Variants in GRTP1 observed in about 807,000 individuals in gnomAD.
The protein encoded by GRTP1 is growth hormone regulated TBC protein 1, also known as growth hormone-regulated TBC protein 1.
A neutral mutation model predicts 38.1 loss-of-function variants in GRTP1; 56 were observed. The ratio of observed to expected loss-of-function variants is 1.47; its 90% CI spans 1.19 to 1.84. The LOEUF (loss-of-function observed/expected upper bound fraction) is 1.84, where lower values mean the gene tolerates loss of function less well. GRTP1 is among the 40% of genes most tolerant of loss of function. The pLI is 0.00. For synonymous variants in GRTP1, 217 were observed against 189.5 expected (o/e 1.14, Z -1.19); for missense variants, 506 against 453.9 (o/e 1.11, Z -1.04).
intron 5 of GRTP1, among the ~76,000 whole-genome samples, chr13:113,335,705 GGAAC>G (rs1288770863): frequency 6.6e-6 from 1 of 152,014 alleles, no homozygotes; most frequent in Non-Finnish European, 1.5e-5. Context: ...CATGTGGGTG[GGAAC>G]ATGTGATATC....
intron 5 of GRTP1, among the ~76,000 whole-genome samples, chr13:113,344,239 C>T (rs1049944001): frequency 6.6e-6 from 1 of 152,148 alleles, no homozygotes; most frequent in Non-Finnish European, 1.5e-5. Context: ...CCTCAATAGG[C>T]ACAGAAGTTA....
At position 113,343,685 on chromosome 13, in the gene GRTP1, T is replaced by C. The variant is rs2043057724; in HGVS notation, c.562+1178A>G. Among the ~76,000 whole-genome samples the C allele has an allele frequency of 6.6e-6, 1 of 152,216 alleles. No individual in the cohort carries two copies. The highest frequency in any genetic ancestry group is 2.4e-5 in the African/African-American group (1 of 41,464). On this transcript the variant is annotated intron_variant, in intron 5 of 7. Transcript: ENST00000375431. This position sits in a 1 kb window ranked among gnomAD's most constrained non-coding sequence, Gnocchi z 4.8. ...CTGTGTCCGTGTGGTGTGGCTGTTCTGAGGACAAGCGCAGCTCAGCAGGAA... is the reference window on the plus strand; with the variant it reads ...CTGTGTCCGTGTGGTGTGGCTGTTCCGAGGACAAGCGCAGCTCAGCAGGAA...
intron 3 of GRTP1, among the ~76,000 whole-genome samples, chr13:113,352,362 A>ATATATATATATATTT (rs71101572): frequency 2.5e-5 from 2 of 80,850 alleles, no homozygotes; most frequent in African/African-American, 1.1e-4. Context: ...TATATATTTT[A>ATATATATATATATTT]TATATATATA....
rs1462890161 is a variant in GRTP1 at position 113,346,287 on chromosome 13, C to T, written c.466-1328G>A. Among the ~76,000 whole-genome samples, 18 of 17,544 alleles carry T rather than the reference C, an allele frequency of 1.0e-3. 6 individuals carry two copies. Among genetic ancestry groups the T allele is most frequent in the Admixed American group, 2.4e-3 (4 of 1,648 alleles). 11.5% of individuals were successfully genotyped at this position (17,544 alleles called of 152,430 possible). ...ATCCGGGAGGACCTCTGTGGCTGAG[C>T]GGATCTGGGAGGACCTCTGTGGCAG... On this transcript the variant is annotated intron_variant, in intron 4 of 7. Transcript: ENST00000375431.
Position 113,337,223 on chromosome 13 carries a change from G to A in GRTP1, c.562+7640C>T, listed in dbSNP as rs534147001. Among the ~76,000 whole-genome samples the A allele has an allele frequency of 6.6e-5, 10 of 152,322 alleles. No homozygotes were observed. The East Asian group carries it at 1.7e-3, about 26-fold the overall frequency. On this transcript the variant is annotated intron_variant, in intron 5 of 7. Coordinates refer to ENST00000375431, the MANE Select transcript of GRTP1 (RefSeq NM_024719.4). ...GTGGGAGGATCACTTGAACCCAGGA[G>A]GTCAAAGGCTGCAGTGAGCTGTGAT...
In GRTP1 at chr13:113,353,710, T is replaced by A. The variant is rs73565267; in HGVS notation, c.340+1613A>T. Among the ~76,000 whole-genome samples the A allele has an allele frequency of 3.5e-3, 527 of 151,452 alleles. 1 individual carries two copies. Among genetic ancestry groups the A allele is most frequent in the African/African-American group, 0.012 (501 of 40,810 alleles). ...GTTCAGTGCTTAACAATGGGGAAGC[T>A]CCCAAGAGCTTCAGCTTGGGAAAAT... On this transcript the variant is annotated intron_variant, in intron 3 of 7. Coordinates refer to ENST00000375431, the MANE Select transcript of GRTP1 (RefSeq NM_024719.4).
chr13:113,337,485 G>T (rs186103200), intron 5 of GRTP1, among the ~76,000 whole-genome samples: 259 of 152,230 alleles, frequency 1.7e-3, no homozygotes, highest in African/African-American at 6.0e-3. Context: ...TGGAAAAGCG[G>T]CAATGACTTT....
intron 3 of GRTP1, chr13:113,351,533 C>T (rs528841031): frequency 3.6e-4 from 57 of 157,170 alleles, no homozygotes; most frequent in Non-Finnish European, 6.5e-4. Context: ...GCATCCCTGC[C>T]GGCCTCTTCC....
At chr13:113,355,257 C>T in intron 3 of GRTP1, 66 bp downstream of exon 3, 1 of 1,556,034 alleles carries the variant, frequency 6.4e-7, no homozygotes, top group Non-Finnish European at 8.8e-7. Context: ...AGGCTAGACA[C>T]TGGGTGGAAA....
Position 113,348,081 on chromosome 13 carries a change from T to A in GRTP1, c.465+2768A>T, listed in dbSNP as rs2043201256. On this transcript the variant is annotated intron_variant, in intron 4 of 7. Transcript: ENST00000375431. The surrounding 1 kb of genome is among the most constrained non-coding windows in gnomAD (Gnocchi z 4.8). Reference sequence around the variant, plus strand: ...GTGGCTGAGAATGGACCCCTTTGAGTGGACAGTGCTACTGGACCTGGGAGA... The same window carrying A: ...GTGGCTGAGAATGGACCCCTTTGAGAGGACAGTGCTACTGGACCTGGGAGA... Among the ~76,000 whole-genome samples, 1 of 151,800 alleles carries A rather than the reference T, an allele frequency of 6.6e-6. No homozygotes were observed. The highest frequency in any genetic ancestry group is 2.4e-5 in the African/African-American group (1 of 41,290).
chr13:113,343,962 G>GC lies in GRTP1; in HGVS notation c.562+900dup, dbSNP rs1464922462. Among the ~76,000 whole-genome samples the GC allele has an allele frequency of 6.6e-6, 1 of 152,272 alleles. No homozygotes were observed. The highest frequency in any genetic ancestry group is 1.9e-4 in the East Asian group (1 of 5,186). ...AGCCTGCAGCTCATCGTCTGCACTG[G>GC]CCTTCACCATAACCCGTGGATAACT... On this transcript the variant is annotated intron_variant, in intron 5 of 7. Coordinates refer to ENST00000375431, the MANE Select transcript of GRTP1 (RefSeq NM_024719.4). The surrounding 1 kb of genome is among the most constrained non-coding windows in gnomAD (Gnocchi z 4.8).
chr13:113,328,861 A>T (rs2042814296), intron 5 of GRTP1, among the ~76,000 whole-genome samples: 1 of 152,018 alleles, frequency 6.6e-6, no homozygotes, highest in African/African-American at 2.4e-5. Context: ...TGAAATCCAC[A>T]TCTCAAACCT....
At position 113,324,454 on chromosome 13, in the gene GRTP1, G is replaced by A. The variant is rs2042729192; in HGVS notation, c.*34C>T. On this transcript the variant is annotated 3_prime_UTR_variant, in exon 8 of 8. Transcript: ENST00000375431. Reference sequence around the variant, plus strand: ...TCAACTCTGGAAAGGGGCATCGTCAGTGTAGAGACGAGCAACGCAGGGGAC... The same window carrying A: ...TCAACTCTGGAAAGGGGCATCGTCAATGTAGAGACGAGCAACGCAGGGGAC... 2 of 1,570,252 alleles carry A rather than the reference G, an allele frequency of 1.3e-6. No individual in the cohort carries two copies. Among genetic ancestry groups the A allele is most frequent in the Non-Finnish European group, 1.7e-6 (2 of 1,157,678 alleles).
At chr13:113,350,723 G>A (rs2043248578) in intron 4 of GRTP1, 126 bp downstream of exon 4, 3 of 901,896 alleles carry the variant, frequency 3.3e-6, no homozygotes, top group African/African-American at 1.7e-5. Context: ...GCCTCAATGG[G>A]GCATCAGGAC....
chr13:113,352,358 T>TTATATATATATATATA (rs1566438042), intron 3 of GRTP1, among the ~76,000 whole-genome samples: 7 of 19,046 alleles, frequency 3.7e-4, no homozygotes, highest in East Asian at 3.2e-3. Flanking sequence ...TTTATATATA[T>TTATATATATATATATA]TTTATATATA....
intron 5 of GRTP1, among the ~76,000 whole-genome samples, chr13:113,330,855 G>T (rs765904828): frequency 0.67 from 2,190 of 3,284 alleles, 970 homozygotes; most frequent in African/African-American, 0.71. Flanking sequence ...GGAAACCCAG[G>T]TGTGTGCATG....
At chr13:113,329,038 C>T (rs902999921) in intron 5 of GRTP1, among the ~76,000 whole-genome samples, 15 of 152,268 alleles carry the variant, frequency 9.9e-5, no homozygotes, top group South Asian at 4.1e-4. Flanking sequence ...TGCGCCCAGG[C>T]GCCAGCCACG....
chr13:113,361,201 G>A (rs1353742734), intron 2 of GRTP1, among the ~76,000 whole-genome samples: 2 of 111,710 alleles, frequency 1.8e-5, no homozygotes, highest in Admixed American at 1.1e-4. Flanking sequence ...AGTTGATAGA[G>A]ACCAATGCTA....
At chr13:113,325,633 G>T (rs759861174) in intron 7 of GRTP1, 28 bp downstream of exon 7, 18 of 1,611,222 alleles carry the variant, frequency 1.1e-5, no homozygotes, top group African/African-American at 2.8e-5. Flanking sequence ...CCCTGGGAGG[G>T]GACTGAGCCA....
Sources: allele counts gnomAD v4.1 joint callset (sites outside exome capture counted in the v4.1 genomes callset), GRCh38; gene constraint gnomAD v4.1.1; non-coding constraint Gnocchi (gnomAD v3.1); transcripts MANE v1.5; gene names NCBI Gene and HGNC (gene_info 2026-07-23, HGNC 2026-07-21).